Variants in UTRN observed in about 807,000 individuals in gnomAD.
UTRN encodes the protein dystrophin-related protein 1.
Under a neutral mutation model 463.9 loss-of-function variants are expected in UTRN, and 283 were observed. The observed-to-expected ratio is 0.61, with a 90% confidence interval of 0.55 to 0.67. UTRN has a LOEUF of 0.67. Among genes scored for constraint, UTRN ranks in the 30% least tolerant of loss-of-function variants. The pLI is 0.00. For synonymous variants in UTRN, 1,442 were observed against 1,431.5 expected (o/e 1.01, Z -0.17); for missense variants, 3,922 against 4,084.3 (o/e 0.96, Z 1.08).
chr6:144,368,460 T>A (rs770250530), intron 2 of UTRN, among the ~76,000 whole-genome samples: 7 of 152,202 alleles, frequency 4.6e-5, no homozygotes, highest in Non-Finnish European at 1.0e-4. Context: ...AAGAGAAACA[T>A]ATCTTTACCA....
chr6:144,462,656 C>G lies in UTRN; in HGVS notation c.2856C>G (p.Thr952=). The G allele has an allele frequency of 1.3e-6, 2 of 1,599,730 alleles. No homozygotes were observed. Among genetic ancestry groups the G allele is most frequent in the African/African-American group, 1.4e-5 (1 of 73,844 alleles). ...TAATCTTTTAAAACTTTTTCCAGAC[C>G]CTTGATGAAATCCTTGAGAATCAGA... ...KVEKALQEKK[T]LDEILENQKP... Residue 952 remains threonine (T), a splice_region_variant and synonymous_variant, in exon 23 of 75, where the codon ACC becomes ACG. Coordinates refer to ENST00000367545, the MANE Select transcript of UTRN (RefSeq NM_007124.3).
intron 12 of UTRN, among the ~76,000 whole-genome samples, chr6:144,439,929 C>T (rs555466510): frequency 4.6e-5 from 7 of 152,300 alleles, no homozygotes; most frequent in South Asian, 4.1e-4. Flanking sequence ...TTTTGACTAT[C>T]GTGTAGCATT....
intron 53 of UTRN, among the ~76,000 whole-genome samples, chr6:144,725,367 G>A (rs892458042): frequency 2.0e-5 from 3 of 152,130 alleles, no homozygotes; most frequent in African/African-American, 7.2e-5. Context: ...GTTTTTACTA[G>A]CAGCGTGAGA....
intron 51 of UTRN, among the ~76,000 whole-genome samples, chr6:144,671,271 C>G (rs1352635832): frequency 1.3e-5 from 2 of 152,002 alleles, no homozygotes; most frequent in Admixed American, 6.6e-5. Flanking sequence ...CATACATGAG[C>G]ATGGGATGTG....
chr6:144,329,666 C>T (rs1207461968), intron 2 of UTRN, among the ~76,000 whole-genome samples: 1 of 152,186 alleles, frequency 6.6e-6, no homozygotes, highest in Non-Finnish European at 1.5e-5. Context: ...TCTGCCATCA[C>T]AATGGAAGGA....
chr6:144,577,059 T>G, intron 50 of UTRN, 40 bp from the exon 51 acceptor site: 1 of 1,590,236 alleles, frequency 6.3e-7, no homozygotes, highest in Non-Finnish European at 8.6e-7. Context: ...GTCACAACAC[T>G]GTAAGTAATG....
intron 25 of UTRN, among the ~76,000 whole-genome samples, chr6:144,479,447 T>C (rs1791621729): frequency 6.6e-6 from 1 of 152,188 alleles, no homozygotes; most frequent in African/African-American, 2.4e-5. Context: ...TTTTGCTTTC[T>C]TTTTTCTTTT....
rs773757871 is a variant in UTRN, at chr6:144,827,687, T to C, written c.9599+11T>C. Reference sequence around the variant, plus strand: ...ACAATATGCCACACGGTAAGAAACTTTGATCAGAGCCCTCCACTGCACTGC... The same window carrying C: ...ACAATATGCCACACGGTAAGAAACTCTGATCAGAGCCCTCCACTGCACTGC... On this transcript the variant is annotated intron_variant, in intron 68 of 74. Transcript: ENST00000367545. The C allele has an allele frequency of 1.2e-6, 2 of 1,613,348 alleles. No individual in the cohort carries two copies. The highest frequency in any genetic ancestry group is 4.5e-5 in the East Asian group (2 of 44,824).
intron 53 of UTRN, among the ~76,000 whole-genome samples, chr6:144,729,255 T>TC (rs1227228033): frequency 6.6e-6 from 1 of 152,184 alleles, no homozygotes; most frequent in African/African-American, 2.4e-5. Context: ...GTTGCTTAGA[T>TC]CCATATTTTT....
At chr6:144,470,762 C>T (rs973624943) in intron 23 of UTRN, among the ~76,000 whole-genome samples, 33 of 151,962 alleles carry the variant, frequency 2.2e-4, no homozygotes, top group Admixed American at 2.0e-3. Flanking sequence ...AGTGAGACTC[C>T]GTCTGCAATC....
chr6:144,423,364 A>G (rs1408400601), intron 4 of UTRN, among the ~76,000 whole-genome samples, 185 bp from the exon 5 acceptor site: 3 of 152,144 alleles, frequency 2.0e-5, no homozygotes, highest in Non-Finnish European at 2.9e-5. Context: ...AGATGTTGTT[A>G]GTTGAGGGAT....
At chr6:144,708,519 G>A in intron 53 of UTRN, 1 of 391,222 alleles carries the variant, frequency 2.6e-6, no homozygotes, top group Non-Finnish European at 4.8e-6. Context: ...GAGAGGTCCT[G>A]GTATAGAAAA....
At chr6:144,770,995 A>C (rs1333439098) in intron 58 of UTRN, among the ~76,000 whole-genome samples, 1 of 152,170 alleles carries the variant, frequency 6.6e-6, no homozygotes, top group Non-Finnish European at 1.5e-5. Flanking sequence ...TTGTTTCTGC[A>C]ATCTTTGGAA....
intron 23 of UTRN, among the ~76,000 whole-genome samples, chr6:144,471,459 A>G (rs868521621): frequency 1.2e-4 from 19 of 152,356 alleles, no homozygotes; most frequent in African/African-American, 4.6e-4. Flanking sequence ...AAAGTGCAGA[A>G]TGGAGATTAG....
rs1050026144 is a variant in UTRN at position 144,751,714 on chromosome 6, A to C, written c.8209-92A>C. On this transcript the variant is annotated intron_variant, in intron 55 of 74. Coordinates refer to ENST00000367545, the MANE Select transcript of UTRN (RefSeq NM_007124.3). ...GAAAAATCTGTGCATATGTGAACCC[A>C]TGCAGTTCAGACCTAAGTTATTTAA... 7 of 1,266,328 alleles carry C rather than the reference A, an allele frequency of 5.5e-6. No individual in the cohort carries two copies. In the Admixed American group the frequency reaches 2.1e-4, roughly 38 times the overall value. The allele number at this position is 1,266,328 out of a possible 1,614,324, so 78.4% of individuals were successfully genotyped here. A position where few individuals can be genotyped will look rare whatever the true frequency, so the allele number is the denominator to read the frequency against.
At chr6:144,526,428 A>G (rs1239787736) in intron 41 of UTRN, among the ~76,000 whole-genome samples, 4 of 152,294 alleles carry the variant, frequency 2.6e-5, no homozygotes, top group African/African-American at 9.6e-5. Flanking sequence ...TTATCATTAT[A>G]TAATGTCCTT....
At position 144,604,695 on chromosome 6, in the gene UTRN, C is replaced by T. The variant is rs1585519846; in HGVS notation, c.7479+27407C>T. 2.0e-5 allele frequency among the ~76,000 whole-genome samples: 3 copies of T among 152,196 alleles called. No individual in the cohort carries two copies. In the South Asian group the frequency reaches 6.2e-4, roughly 32 times the overall value. On this transcript the variant is annotated intron_variant, in intron 51 of 74. Coordinates refer to ENST00000367545, the MANE Select transcript of UTRN (RefSeq NM_007124.3). ...TTGGGAGGCTGAGGAAGGTGGATCA[C>T]CTGAGGTCAGGAGTTCGAGACCAGC...
At chr6:144,319,498 C>T (rs1342486330) in intron 2 of UTRN, among the ~76,000 whole-genome samples, 1 of 152,204 alleles carries the variant, frequency 6.6e-6, no homozygotes, top group Non-Finnish European at 1.5e-5. Context: ...AAGCCTAGTA[C>T]ATTTTCTGGT....
At position 144,468,298 on chromosome 6, in the gene UTRN, TTGTTG is replaced by T. The variant is rs149243916; in HGVS notation, c.3067-5421_3067-5417del. Among the ~76,000 whole-genome samples, 384 of 152,274 alleles carry T rather than the reference TTGTTG, an allele frequency of 2.5e-3. 5 individuals are homozygous for T. Among genetic ancestry groups the T allele is most frequent in the African/African-American group, 9.0e-3 (374 of 41,552 alleles). On this transcript the variant is annotated intron_variant, in intron 23 of 74. Coordinates refer to ENST00000367545, the MANE Select transcript of UTRN (RefSeq NM_007124.3). Reference sequence around the variant, plus strand: ...TCCTTGTCCGTGATCCCATAGCAGGTTGTTGCCCATCTGAAATGCTTAGAAATCAT... The same window carrying T: ...TCCTTGTCCGTGATCCCATAGCAGGTCCCATCTGAAATGCTTAGAAATCAT...
Sources: gnomAD v4.1 joint callset for allele counts (sites outside exome capture counted in the v4.1 genomes callset) on GRCh38, gnomAD v4.1.1 for gene constraint, MANE v1.5 for transcripts, NCBI Gene and HGNC (gene_info 2026-07-23, HGNC 2026-07-21) for gene names.